The following ZNF385D variants were observed in gnomAD, a reference collection of about 807,000 sequenced individuals.
The protein encoded by ZNF385D is zinc finger protein 659.
ZNF385D carries 15 observed loss-of-function variants against 35.8 expected under a neutral mutation model. That is an observed-to-expected ratio of 0.42 (90% CI 0.28 to 0.64). The LOEUF is 0.64. Ranked by LOEUF, ZNF385D falls within the 30% of genes least tolerant of loss-of-function variation. ZNF385D has a pLI of 0.23. For missense variants in ZNF385D, 474 were observed against 494.6 expected, an observed-to-expected ratio of 0.96 and a Z score of 0.39; for synonymous variants, 212 against 186.8, an observed-to-expected ratio of 1.13 and a Z score of -1.10.
At chr3:22,320,217 C>G (rs1694348846) in intron 2 of ZNF385D, among the ~76,000 whole-genome samples, 1 of 152,038 alleles carries the variant, frequency 6.6e-6, no homozygotes, top group Non-Finnish European at 1.5e-5. Flanking sequence ...ATAACTGTTT[C>G]TAAAGGTCAT....
At chr3:21,550,549 C>G (rs976180024) in intron 3 of ZNF385D, among the ~76,000 whole-genome samples, 12 of 152,158 alleles carry the variant, frequency 7.9e-5, no homozygotes, top group Non-Finnish European at 1.0e-4. Context: ...GTGGTGTGAT[C>G]TTGGCTTACT....
chr3:21,680,073 A>C (rs2066852835), intron 1 of ZNF385D, among the ~76,000 whole-genome samples: 1 of 152,080 alleles, frequency 6.6e-6, no homozygotes, highest in Admixed American at 6.6e-5. Flanking sequence ...CAGTGGAAAA[A>C]TAGAGTCACA....
intron 3 of ZNF385D, chr3:21,542,786 T>G (rs186860): frequency 0.81 from 123,186 of 151,926 alleles, 50,091 homozygotes; most frequent in East Asian, 0.98. Context: ...GAAGCCTCGA[T>G]CGGGGAACTC....
chr3:22,138,208 G>A (rs913225853), intron 3 of ZNF385D, among the ~76,000 whole-genome samples: 3 of 152,084 alleles, frequency 2.0e-5, no homozygotes, highest in Admixed American at 1.3e-4. Context: ...TCATGGGTAG[G>A]AAGAATCAAT....
intron 1 of ZNF385D, among the ~76,000 whole-genome samples, chr3:21,703,496 G>C (rs1042960158): frequency 4.5e-4 from 68 of 152,202 alleles, no homozygotes; most frequent in African/African-American, 1.6e-3. Flanking sequence ...TCCCTTGGTT[G>C]CCTCAAACCC....
chr3:22,125,843 G>T (rs948065418), intron 3 of ZNF385D, among the ~76,000 whole-genome samples: 1 of 152,000 alleles, frequency 6.6e-6, no homozygotes, highest in South Asian at 2.1e-4. Flanking sequence ...CCAAATACAA[G>T]ATCATATCAT....
chr3:22,062,418 T>C (rs1474101278), intron 3 of ZNF385D, among the ~76,000 whole-genome samples: 1 of 152,148 alleles, frequency 6.6e-6, no homozygotes, highest in African/African-American at 2.4e-5. Flanking sequence ...TTTTACTTTA[T>C]AACACTTTAA....
At chr3:21,771,706 A>G (rs1371351914) in intron 3 of ZNF385D, among the ~76,000 whole-genome samples, 8 of 151,950 alleles carry the variant, frequency 5.3e-5, no homozygotes, top group African/African-American at 1.9e-4. Context: ...ACCAAGAGAC[A>G]AGACCATCAA....
chr3:22,312,854 G>A (rs1205302851), intron 2 of ZNF385D, among the ~76,000 whole-genome samples: 1 of 138,740 alleles, frequency 7.2e-6, no homozygotes, highest in African/African-American at 2.8e-5. Flanking sequence ...CGATTCCTCA[G>A]GGATCTAGAA....
intron 3 of ZNF385D, among the ~76,000 whole-genome samples, chr3:21,892,601 C>T (rs149819314): frequency 1.3e-3 from 194 of 152,190 alleles, no homozygotes; most frequent in African/African-American, 4.3e-3. Context: ...TGGTTTCCTA[C>T]CAAAACAAGT....
chr3:21,887,692 A>G (rs1212824578), intron 3 of ZNF385D, among the ~76,000 whole-genome samples: 1 of 152,172 alleles, frequency 6.6e-6, no homozygotes, highest in African/African-American at 2.4e-5. Context: ...CACATCTAAC[A>G]GAAAAATTAT....
chr3:22,182,397 A>G (rs929070472), intron 2 of ZNF385D, among the ~76,000 whole-genome samples: 22 of 152,170 alleles, frequency 1.4e-4, no homozygotes, highest in African/African-American at 5.3e-4. Context: ...AAATAAGTTA[A>G]CTCTTTCCCA....
At chr3:21,972,900 C>T (rs1314936024) in intron 3 of ZNF385D, among the ~76,000 whole-genome samples, 1 of 151,858 alleles carries the variant, frequency 6.6e-6, no homozygotes, top group Admixed American at 6.6e-5. Context: ...CGATGAATAA[C>T]AAGTAATGTG....
chr3:21,943,530 T>A (rs1187086715), intron 3 of ZNF385D, among the ~76,000 whole-genome samples: 3 of 151,844 alleles, frequency 2.0e-5, no homozygotes, highest in Non-Finnish European at 4.4e-5. Context: ...AACTGGGAAA[T>A]TAGTTCATAT....
intron 3 of ZNF385D, among the ~76,000 whole-genome samples, chr3:22,085,812 A>T (rs1229718314): frequency 6.6e-6 from 1 of 152,220 alleles, no homozygotes; most frequent in Non-Finnish European, 1.5e-5. Context: ...TCAATAAAAT[A>T]CTGGCAAACC....
chr3:22,164,927 T>A (rs1377274830), intron 3 of ZNF385D, among the ~76,000 whole-genome samples: 1 of 152,178 alleles, frequency 6.6e-6, no homozygotes, highest in South Asian at 2.1e-4. Flanking sequence ...AAAGGCTACA[T>A]AGTATGTAAT....
chr3:21,748,714 C>T (rs2069904689), intron 1 of ZNF385D, among the ~76,000 whole-genome samples: 1 of 152,178 alleles, frequency 6.6e-6, no homozygotes, highest in Non-Finnish European at 1.5e-5. Context: ...AAAGTGAAAG[C>T]ATTGCTTGGA....
chr3:21,658,985 C>A (rs1270737695), intron 2 of ZNF385D, among the ~76,000 whole-genome samples: 1 of 151,968 alleles, frequency 6.6e-6, no homozygotes, highest in African/African-American at 2.4e-5. Context: ...TAAAGGAGTA[C>A]TAATCAACTA....
At chr3:22,217,285 T>G (rs1447276348) in intron 2 of ZNF385D, among the ~76,000 whole-genome samples, 2 of 152,152 alleles carry the variant, frequency 1.3e-5, no homozygotes, top group Admixed American at 1.3e-4. Context: ...CCCTTCCCTT[T>G]TTCTGCTCCC....
Sources: gnomAD v4.1 joint callset for allele counts (sites outside exome capture counted in the v4.1 genomes callset) on GRCh38, gnomAD v4.1.1 for gene constraint, MANE v1.5 for transcripts, NCBI Gene and HGNC (gene_info 2026-07-23, HGNC 2026-07-21) for gene names.